RABEPK: variants seen among roughly 807,000 people sequenced by gnomAD.
RABEPK encodes the protein 40 kDa Rab9 effector protein.
Under a neutral mutation model 34.1 loss-of-function variants are expected in RABEPK, and 27 were observed. That is an observed-to-expected ratio of 0.79 (90% CI 0.58 to 1.09). RABEPK has a LOEUF of 1.09. Among genes scored for constraint, RABEPK ranks in the 50% least tolerant of loss-of-function variants. The probability of loss-of-function intolerance (pLI) is 0.00; values close to 1 mark genes in which losing one functional copy is unlikely to be tolerated. For synonymous variants in RABEPK, 172 were observed against 169.2 expected (o/e 1.02, Z -0.13); for missense variants, 449 against 462.6 (o/e 0.97, Z 0.27).
chr9:125,231,691 A>T (rs989723062), intron 6 of RABEPK, among the ~76,000 whole-genome samples: 1 of 151,538 alleles, frequency 6.6e-6, no homozygotes, highest in Non-Finnish European at 1.5e-5. Flanking sequence ...AATCCCAGCT[A>T]CTCGGGAGGC....
At chr9:125,231,921 C>T (rs1277685937) in intron 6 of RABEPK, among the ~76,000 whole-genome samples, 57 of 114,820 alleles carry the variant, frequency 5.0e-4, no homozygotes, top group Middle Eastern at 9.6e-3. Context: ...TTTTTTGAGA[C>T]GGAGCTTCGC....
At chr9:125,214,393 C>G (rs1830786166) in intron 4 of RABEPK, among the ~76,000 whole-genome samples, 1 of 152,178 alleles carries the variant, frequency 6.6e-6, no homozygotes, top group South Asian at 2.1e-4. Flanking sequence ...GAAGAATTGT[C>G]TGGTCTAAAA....
intron 7 of RABEPK, 55 bp from the exon 8 acceptor site, chr9:125,233,633 T>C (rs1328389053): frequency 6.4e-7 from 1 of 1,563,322 alleles, no homozygotes; most frequent in South Asian, 1.2e-5. Context: ...TGAGCCACCG[T>C]GCCCGGCCTA....
At chr9:125,221,879 G>A (rs1481979611) in intron 5 of RABEPK, 2 of 152,080 alleles carry the variant, frequency 1.3e-5, no homozygotes, top group Admixed American at 6.6e-5. Context: ...GTTTCACCAT[G>A]TTGGCCAGGC....
At chr9:125,205,663 T>C (rs1051491661) in intron 2 of RABEPK, among the ~76,000 whole-genome samples, 4 of 152,204 alleles carry the variant, frequency 2.6e-5, no homozygotes, top group Non-Finnish European at 4.4e-5. Flanking sequence ...GTAATTTTTG[T>C]ATTTTTAGTA....
intron 3 of RABEPK, among the ~76,000 whole-genome samples, chr9:125,212,223 T>TTTTG (rs941360051): frequency 2.0e-5 from 3 of 151,990 alleles, no homozygotes; most frequent in African/African-American, 4.8e-5. Flanking sequence ...GGTTAGGGTT[T>TTTTG]TTTGTTTGTT....
chr9:125,201,997 C>A (rs367783938), intron 1 of RABEPK, among the ~76,000 whole-genome samples: 2,001 of 151,250 alleles, frequency 0.013, 23 homozygotes, highest in Middle Eastern at 0.039. Flanking sequence ...GAGGCCGAGG[C>A]GAGCCAAGTT....
At chr9:125,227,466 G>A (rs1831842683) in intron 5 of RABEPK, among the ~76,000 whole-genome samples, 1 of 151,742 alleles carries the variant, frequency 6.6e-6, no homozygotes, top group Non-Finnish European at 1.5e-5. Flanking sequence ...CTGTCGCCCA[G>A]GCTGGAATGC....
At chr9:125,225,962 CAA>C (rs60277969) in intron 5 of RABEPK, among the ~76,000 whole-genome samples, 3 of 98,590 alleles carry the variant, frequency 3.0e-5, no homozygotes. Context: ...GACTCTGTTT[CAA>C]AAAAAAAAAA....
intron 4 of RABEPK, among the ~76,000 whole-genome samples, chr9:125,214,597 A>T (rs1490503088): frequency 3.3e-5 from 5 of 152,092 alleles, no homozygotes; most frequent in African/African-American, 4.8e-5. Flanking sequence ...CAGTTTGGGA[A>T]CGTCGCTACT....
intron 4 of RABEPK, among the ~76,000 whole-genome samples, chr9:125,220,009 T>G (rs1265621218): frequency 6.6e-6 from 1 of 151,386 alleles, no homozygotes; most frequent in Non-Finnish European, 1.5e-5. Flanking sequence ...TTTTTCTTCT[T>G]TTTTTTTAAT....
In RABEPK at chr9:125,219,952, G is replaced by A. The variant is rs767185186; in HGVS notation, c.365-587G>A. On this transcript the variant is annotated intron_variant, in intron 4 of 7. Coordinates refer to ENST00000373538, the MANE Select transcript of RABEPK (RefSeq NM_005833.4). ...AGCGATAGTGAGCAAAGTAGAAGAGGGTTCAGAGAGGATATTTGAAGGCCT... is the reference window on the plus strand; with the variant it reads ...AGCGATAGTGAGCAAAGTAGAAGAGAGTTCAGAGAGGATATTTGAAGGCCT... 2.7e-4 allele frequency among the ~76,000 whole-genome samples: 41 copies of A among 151,978 alleles called. 1 individual carries two copies. Among genetic ancestry groups the A allele is most frequent in the Non-Finnish European group, 4.7e-4 (32 of 68,012 alleles).
intron 5 of RABEPK, among the ~76,000 whole-genome samples, chr9:125,224,591 T>C (rs953974956): frequency 6.6e-6 from 1 of 151,976 alleles, no homozygotes; most frequent in Non-Finnish European, 1.5e-5. Context: ...TAGCTTGGAC[T>C]GCAGGCACAT....
At chr9:125,217,267 A>G (rs1033361566) in intron 4 of RABEPK, among the ~76,000 whole-genome samples, 3 of 152,218 alleles carry the variant, frequency 2.0e-5, no homozygotes, top group Non-Finnish European at 4.4e-5. Flanking sequence ...TAGTTGATGT[A>G]GTTAAGGTTT....
intron 6 of RABEPK, among the ~76,000 whole-genome samples, chr9:125,231,619 G>A (rs1482298316): frequency 6.6e-6 from 1 of 151,924 alleles, no homozygotes; most frequent in Admixed American, 6.6e-5. Context: ...TGGCCAAGAT[G>A]GTGAAACACC....
intron 6 of RABEPK, among the ~76,000 whole-genome samples, chr9:125,230,355 G>C (rs1014060440): frequency 6.6e-6 from 1 of 152,114 alleles, no homozygotes; most frequent in South Asian, 2.1e-4. Context: ...GAAGGCATGG[G>C]AAGTCCTGTG....
chr9:125,206,955 G>A (rs1338253149), intron 2 of RABEPK, among the ~76,000 whole-genome samples: 4 of 152,064 alleles, frequency 2.6e-5, no homozygotes, highest in Non-Finnish European at 5.9e-5. Context: ...CAGGTGTGGT[G>A]GCACATGCCT....
chr9:125,204,070 C>T (rs1160732711), intron 2 of RABEPK, among the ~76,000 whole-genome samples: 1 of 148,190 alleles, frequency 6.7e-6, no homozygotes. Flanking sequence ...CACGGTGGCT[C>T]ATGCCTGTAA....
chr9:125,202,762 A>G (rs1283383993), intron 1 of RABEPK, among the ~76,000 whole-genome samples: 2 of 152,128 alleles, frequency 1.3e-5, no homozygotes, highest in Non-Finnish European at 2.9e-5. Context: ...CCTGGGAGGC[A>G]GAGGTTGCCA....
Sources: allele counts gnomAD v4.1 joint callset (sites outside exome capture counted in the v4.1 genomes callset), GRCh38; gene constraint gnomAD v4.1.1; transcripts MANE v1.5; gene names NCBI Gene and HGNC (gene_info 2026-07-23, HGNC 2026-07-21).